The following ANKRD11 variants were observed in gnomAD, a reference collection of about 807,000 sequenced individuals.
The protein encoded by ANKRD11 is ankyrin repeat domain-containing protein 11.
A neutral mutation model predicts 195.7 loss-of-function variants in ANKRD11; 17 were observed. The ratio of observed to expected loss-of-function variants is 0.09; its 90% CI spans 0.06 to 0.13. ANKRD11 has a LOEUF of 0.13. Among genes scored for constraint, ANKRD11 ranks in the 10% least tolerant of loss-of-function variants. The pLI is 1.00. For missense variants in ANKRD11, 3,735 were observed against 3,566.1 expected (o/e 1.05, Z -1.21); for synonymous variants, 1,953 against 1,528.1 (o/e 1.28, Z -6.49).
chr16:89,391,297 G>A (rs573603651), intron 2 of ANKRD11, among the ~76,000 whole-genome samples: 31 of 151,856 alleles, frequency 2.0e-4, no homozygotes, highest in African/African-American at 6.3e-4. Context: ...AGGGCAGGTC[G>A]CTGAGAAGCA....
intron 1 of ANKRD11, among the ~76,000 whole-genome samples, chr16:89,444,539 G>A (rs143896219): frequency 6.6e-6 from 1 of 152,086 alleles, no homozygotes; most frequent in East Asian, 1.9e-4. Context: ...CCTGGACTTC[G>A]ATATCACCTG....
At chr16:89,474,680 C>G (rs553603255) in intron 1 of ANKRD11, among the ~76,000 whole-genome samples, 2 of 152,232 alleles carry the variant, frequency 1.3e-5, no homozygotes, top group East Asian at 1.9e-4. Context: ...CTCCCAAGCT[C>G]AGAGAGACTC....
rs1567645208 is a variant in ANKRD11 at position 89,323,404 on chromosome 16, CAGGGCAGGGGGGCTGAGCCG to C, written c.-59-6346_-59-6327del. ...GTGGGCAAGGGGAGAGCAAGCAGCC[CAGGGCAGGGGGGCTGAGCCG>C]AGGGCAGGGGGGCTGAGCCGAGGGC... On this transcript the variant is annotated intron_variant, in intron 2 of 12. Coordinates refer to ENST00000301030, the MANE Select transcript of ANKRD11 (RefSeq NM_013275.6). 3.8e-4 allele frequency: 465 copies of C among 1,209,994 alleles called. 3 individuals are homozygous for C. In the African/African-American group the frequency reaches 4.7e-3, roughly 12 times the overall value. The allele number at this position is 1,209,994 out of a possible 1,614,324, so 75.0% of individuals were successfully genotyped here.
intron 2 of ANKRD11, among the ~76,000 whole-genome samples, chr16:89,369,368 TGCATGACCC>T (rs2152075753): frequency 6.6e-6 from 1 of 152,212 alleles, no homozygotes; most frequent in African/African-American, 2.4e-5. Flanking sequence ...AGCTGATGGG[TGCATGACCC>T]GCATGACCCT....
chr16:89,318,498 C>T (rs1209305173), intron 2 of ANKRD11, among the ~76,000 whole-genome samples: 5 of 152,256 alleles, frequency 3.3e-5, no homozygotes. Flanking sequence ...CTGCAACTCG[C>T]TCCCCTGCAT....
intron 2 of ANKRD11, among the ~76,000 whole-genome samples, chr16:89,392,152 C>A (rs2041227330): frequency 6.6e-6 from 1 of 152,242 alleles, no homozygotes; most frequent in African/African-American, 2.4e-5. Flanking sequence ...TATAAAAAAA[C>A]CGGACACAGC....
chr16:89,461,068 G>C (rs761723417), intron 1 of ANKRD11, among the ~76,000 whole-genome samples: 1 of 143,564 alleles, frequency 7.0e-6, no homozygotes, highest in Non-Finnish European at 1.5e-5. Flanking sequence ...GACGCACCTT[G>C]AGTGGTGACA....
In ANKRD11 at chr16:89,279,819, G is replaced by A. The variant is rs768804170; in HGVS notation, c.6723C>T (p.Pro2241=). Residue 2241 remains proline (P), a synonymous_variant, in exon 9 of 13, where the codon CCC becomes CCT. Coordinates refer to ENST00000301030, the MANE Select transcript of ANKRD11 (RefSeq NM_013275.6). The surrounding 1 kb of genome is among the most constrained non-coding windows in gnomAD (Gnocchi z 5.6). ...GGCGCTGTTCTGGGGGAACGGGCGC[G>A]GGCTCCACGCTGGAGTCCGGATCCC... is the stretch of plus-strand genomic sequence containing the variant. ...ARGDPDSSVE[P]APVPPEQRPL... is the part of the protein sequence containing the mutation. The A allele has an allele frequency of 1.1e-4, 163 of 1,543,880 alleles. No individual in the cohort carries two copies. Among genetic ancestry groups the A allele is most frequent in the East Asian group, 2.4e-4 (10 of 41,000 alleles).
chr16:89,325,435 C>T (rs998183647), intron 2 of ANKRD11, among the ~76,000 whole-genome samples: 10 of 135,636 alleles, frequency 7.4e-5, no homozygotes, highest in African/African-American at 2.9e-4. Context: ...CAGACCCTCT[C>T]CCCTCTCCCC....
At chr16:89,383,741 G>A (rs1024951640) in intron 2 of ANKRD11, among the ~76,000 whole-genome samples, 4 of 151,932 alleles carry the variant, frequency 2.6e-5, no homozygotes, top group South Asian at 2.1e-4. Context: ...CCCTGCACTC[G>A]GACCAGCAAA....
At chr16:89,417,381 A>C (rs1597343315) in intron 2 of ANKRD11, among the ~76,000 whole-genome samples, 1 of 152,236 alleles carries the variant, frequency 6.6e-6, no homozygotes, top group Non-Finnish European at 1.5e-5. Flanking sequence ...TTTCTCTTCA[A>C]CTGCTGTCAA....
chr16:89,374,863 GA>G (rs1473257111), intron 2 of ANKRD11, among the ~76,000 whole-genome samples: 1 of 152,056 alleles, frequency 6.6e-6, no homozygotes, highest in Non-Finnish European at 1.5e-5. Flanking sequence ...CAAATACACT[GA>G]AAAACTTATT....
intron 1 of ANKRD11, among the ~76,000 whole-genome samples, chr16:89,447,997 G>A (rs1326115244): frequency 3.3e-5 from 5 of 151,452 alleles, no homozygotes; most frequent in Admixed American, 6.6e-5. Context: ...TAGAGACAGG[G>A]TTTCACCATA....
intron 2 of ANKRD11, among the ~76,000 whole-genome samples, chr16:89,360,065 C>T (rs1202458685): frequency 2.0e-5 from 3 of 152,106 alleles, no homozygotes; most frequent in Non-Finnish European, 4.4e-5. Context: ...CCGCCCTCTC[C>T]CCTCAAGTAG....
intron 4 of ANKRD11, 167 bp downstream of exon 4, chr16:89,305,039 T>G: frequency 1.5e-5 from 15 of 1,018,986 alleles, no homozygotes; most frequent in Non-Finnish European, 1.8e-5. Context: ...GGAGGTGGCA[T>G]GTGGGGGCCT....
In ANKRD11 at chr16:89,285,340, T is replaced by G; in HGVS notation, c.1202A>C (p.Lys401Thr). 1 of 1,613,988 alleles carries G rather than the reference T, an allele frequency of 6.2e-7. No individual in the cohort carries two copies. Among genetic ancestry groups the G allele is most frequent in the Non-Finnish European group, 8.5e-7 (1 of 1,180,018 alleles). Residue 401 changes from lysine to threonine, a missense_variant, in exon 9 of 13, where the codon AAA (lysine) becomes ACA (threonine). Transcript: ENST00000301030. This position sits in a 1 kb window ranked among gnomAD's most constrained non-coding sequence, Gnocchi z 5.6. ...GTCTGACAGGATACGATGGGACGCT[T>G]TCTTTGGTGCAATCGTGTTATTTTT... is the stretch of plus-strand genomic sequence containing the variant. The part of the protein sequence containing the change: ...YTKNNTIAPK[K>T]ASHRILSDTS...
chr16:89,372,584 T>C (rs2040241626), intron 2 of ANKRD11, among the ~76,000 whole-genome samples: 1 of 152,102 alleles, frequency 6.6e-6, no homozygotes, highest in South Asian at 2.1e-4. Flanking sequence ...AATACTAACA[T>C]TAAGATATTA....
At chr16:89,299,341 G>C in intron 4 of ANKRD11, 1 of 240,026 alleles carries the variant, frequency 4.2e-6, no homozygotes, top group South Asian at 4.0e-5. Context: ...CCCTGTGTGG[G>C]GTGCGTGGGG....
intron 2 of ANKRD11, chr16:89,320,493 AGCCGAGGGGCCGGCCAGCACCT>A (rs1347530819): frequency 3.3e-5 from 5 of 152,222 alleles, no homozygotes; most frequent in African/African-American, 1.2e-4. Flanking sequence ...GTAAACGCAG[AGCCGAGGGGCCGGCCAGCACCT>A]GGCCCTGACC....
Sources: gnomAD v4.1 joint callset for allele counts (sites outside exome capture counted in the v4.1 genomes callset) on GRCh38, gnomAD v4.1.1 for gene constraint, Gnocchi (gnomAD v3.1) non-coding constraint, MANE v1.5 for transcripts, NCBI Gene and HGNC (gene_info 2026-07-23, HGNC 2026-07-21) for gene names.